COX10: variants seen among roughly 807,000 people sequenced by gnomAD.
COX10 encodes the protein protoheme IX farnesyltransferase, mitochondrial.
Under a neutral mutation model 37.3 loss-of-function variants are expected in COX10, and 27 were observed. The observed-to-expected ratio is 0.72, with a 90% CI of 0.53 to 1.00. The LOEUF is 1.00. COX10 is among the 50% of genes least tolerant of loss of function. The pLI is 0.00. For synonymous variants in COX10, 222 were observed against 229.1 expected (o/e 0.97, Z 0.28); for missense variants, 475 against 563.2 (o/e 0.84, Z 1.59).
chr17:14,093,236 T>C (rs1398641735), intron 3 of COX10, among the ~76,000 whole-genome samples: 1 of 152,194 alleles, frequency 6.6e-6, no homozygotes, highest in Admixed American at 6.5e-5. Context: ...TTTTGGACTT[T>C]TGTTTTTTCT....
chr17:14,117,782 G>A (rs1361104632), intron 4 of COX10, among the ~76,000 whole-genome samples: 2 of 152,168 alleles, frequency 1.3e-5, no homozygotes, highest in African/African-American at 4.8e-5. Flanking sequence ...AGCTCAGTTA[G>A]ACCTTCTGCC....
At chr17:14,075,200 G>A (rs1043846069) in intron 2 of COX10, among the ~76,000 whole-genome samples, 1 of 152,156 alleles carries the variant, frequency 6.6e-6, no homozygotes. Context: ...GTTGATAAGA[G>A]ATTTAAATTT....
chr17:14,098,313 T>G (rs1410650732), intron 3 of COX10, among the ~76,000 whole-genome samples: 2 of 152,162 alleles, frequency 1.3e-5, no homozygotes, highest in Non-Finnish European at 2.9e-5. Flanking sequence ...ATTCTCCCAT[T>G]GATACTATCA....
intron 5 of COX10, among the ~76,000 whole-genome samples, chr17:14,161,914 T>G (rs1341442747): frequency 2.0e-5 from 3 of 152,170 alleles, no homozygotes; most frequent in East Asian, 3.9e-4. Flanking sequence ...TCCCCTCTCA[T>G]ATATCTATAT....
At chr17:14,124,740 T>C (rs1278132063) in intron 4 of COX10, among the ~76,000 whole-genome samples, 1 of 152,154 alleles carries the variant, frequency 6.6e-6, no homozygotes, top group Non-Finnish European at 1.5e-5. Flanking sequence ...TGCTTTCCTC[T>C]TTCATTTCTT....
At chr17:14,130,787 C>A (rs1170605542) in intron 4 of COX10, among the ~76,000 whole-genome samples, 1 of 151,968 alleles carries the variant, frequency 6.6e-6, no homozygotes, top group South Asian at 2.1e-4. Flanking sequence ...TTTGTTTCCT[C>A]CTGATTTTTC....
chr17:14,120,748 CTT>C (rs1567595673), intron 4 of COX10, among the ~76,000 whole-genome samples: 1 of 152,082 alleles, frequency 6.6e-6, no homozygotes, highest in Non-Finnish European at 1.5e-5. Flanking sequence ...AGTGATGAAA[CTT>C]AGACAGTGAG....
chr17:14,103,999 T>C (rs1915839215), intron 4 of COX10, among the ~76,000 whole-genome samples: 1 of 152,112 alleles, frequency 6.6e-6, no homozygotes, highest in Non-Finnish European at 1.5e-5. Context: ...CTGCTCCGCA[T>C]CCCACTTACA....
chr17:14,204,398 G>GCATCTGT (rs1210201971), intron 6 of COX10, among the ~76,000 whole-genome samples: 3 of 151,834 alleles, frequency 2.0e-5, no homozygotes, highest in African/African-American at 7.3e-5. Context: ...TCAGTAAGTG[G>GCATCTGT]CATCTGTATG....
intron 5 of COX10, among the ~76,000 whole-genome samples, chr17:14,169,009 C>T (rs145879049): frequency 4.5e-4 from 69 of 152,282 alleles, no homozygotes; most frequent in African/African-American, 1.5e-3. Flanking sequence ...GTAGATTTTC[C>T]GAACTTTTAA....
At chr17:14,189,493 C>A (rs1906136626) in intron 5 of COX10, among the ~76,000 whole-genome samples, 1 of 152,192 alleles carries the variant, frequency 6.6e-6, no homozygotes, top group Non-Finnish European at 1.5e-5. Flanking sequence ...ACTATTCTTC[C>A]ATCCAAGTGT....
chr17:14,201,671 A>G (rs1049674669), intron 6 of COX10, among the ~76,000 whole-genome samples: 4 of 152,204 alleles, frequency 2.6e-5, no homozygotes, highest in African/African-American at 9.7e-5. Flanking sequence ...TTCTAGAGCA[A>G]AGCAGACACT....
At chr17:14,165,361 C>T (rs1039258893) in intron 5 of COX10, among the ~76,000 whole-genome samples, 5 of 152,082 alleles carry the variant, frequency 3.3e-5, no homozygotes, top group Non-Finnish European at 7.3e-5. Context: ...TTTGATAATT[C>T]GTACAGTATT....
chr17:14,168,729 C>T (rs1214286661), intron 5 of COX10, among the ~76,000 whole-genome samples: 1 of 152,124 alleles, frequency 6.6e-6, no homozygotes, highest in Non-Finnish European at 1.5e-5. Context: ...GGAGCTGGAA[C>T]GGCTGGGAAA....
intron 4 of COX10, among the ~76,000 whole-genome samples, chr17:14,155,451 C>T (rs1380481310): frequency 1.3e-5 from 2 of 151,944 alleles, no homozygotes; most frequent in African/African-American, 4.8e-5. Flanking sequence ...CACGGTGGCT[C>T]ACGCCTGTAA....
At chr17:14,127,740 AAGTAATATTCTT>A (rs1215192201) in intron 4 of COX10, among the ~76,000 whole-genome samples, 2 of 152,168 alleles carry the variant, frequency 1.3e-5, no homozygotes, top group Non-Finnish European at 2.9e-5. Flanking sequence ...TAAAAATTAA[AAGTAATATTCTT>A]TGCCTACTTA....
At chr17:14,205,341 C>T (rs553656546) in intron 6 of COX10, among the ~76,000 whole-genome samples, 1 of 152,262 alleles carries the variant, frequency 6.6e-6, no homozygotes, top group African/African-American at 2.4e-5. Context: ...ACATCCCTTC[C>T]TCAGAGAAGC....
chr17:14,081,790 C>A (rs1030363993), intron 3 of COX10, among the ~76,000 whole-genome samples: 35 of 152,254 alleles, frequency 2.3e-4, no homozygotes, highest in African/African-American at 7.5e-4. Flanking sequence ...AAATTTAATA[C>A]CTGGCTGCCC....
In COX10 at chr17:14,125,973, A is replaced by C. The variant is rs574592052; in HGVS notation, c.624+23731A>C. Reference sequence around the variant, plus strand: ...CTATTAGGAGCCAAAGCCATCAGACAACCTCCATTAAAGTGTTTGCCACGG... The same window carrying C: ...CTATTAGGAGCCAAAGCCATCAGACCACCTCCATTAAAGTGTTTGCCACGG... On this transcript the variant is annotated intron_variant, in intron 4 of 6. Coordinates refer to ENST00000261643, the MANE Select transcript of COX10 (RefSeq NM_001303.4). 2.0e-5 allele frequency among the ~76,000 whole-genome samples: 3 copies of C among 152,328 alleles called. No individual in the cohort carries two copies. The East Asian group carries it at 5.8e-4, about 29-fold the overall frequency.
Sources: allele counts gnomAD v4.1 joint callset (sites outside exome capture counted in the v4.1 genomes callset), GRCh38; gene constraint gnomAD v4.1.1; transcripts MANE v1.5; gene names NCBI Gene and HGNC (gene_info 2026-07-23, HGNC 2026-07-21).